Variants in KCNB2 observed in about 807,000 individuals in gnomAD.
KCNB2 encodes the protein potassium voltage-gated channel subfamily B member 2, also known as delayed rectifier potassium channel protein.
KCNB2 carries 15 observed loss-of-function variants against 61.5 expected under a neutral mutation model. The observed-to-expected ratio is 0.24, with a 90% CI of 0.16 to 0.38. The LOEUF is 0.38. KCNB2 is among the 10% of genes least tolerant of loss of function. The probability of loss-of-function intolerance (pLI) is 1.00; values close to 1 mark genes in which losing one functional copy is unlikely to be tolerated. For missense variants in KCNB2, 828 were observed against 1,125.2 expected (o/e 0.74, Z 3.78); for synonymous variants, 457 against 446.0 (o/e 1.02, Z -0.31).
At chr8:72,711,286 G>T (rs965987939) in intron 2 of KCNB2, among the ~76,000 whole-genome samples, 2 of 152,198 alleles carry the variant, frequency 1.3e-5, no homozygotes, top group Non-Finnish European at 2.9e-5. Flanking sequence ...GTGCAATACT[G>T]CCATGTGCCC....
At chr8:72,561,735 C>T (rs5002652) in intron 1 of KCNB2, among the ~76,000 whole-genome samples, 1 of 22,110 alleles carries the variant, frequency 4.5e-5, no homozygotes, top group African/African-American at 2.2e-4. Context: ...ATATCTATAT[C>T]TATATATATA....
chr8:72,722,883 C>T (rs531855979), intron 2 of KCNB2, among the ~76,000 whole-genome samples: 1 of 152,282 alleles, frequency 6.6e-6, no homozygotes, highest in East Asian at 1.9e-4. Flanking sequence ...TTTGTACATA[C>T]TCCAAGCCCT....
chr8:72,720,793 C>T (rs2247572), intron 2 of KCNB2, among the ~76,000 whole-genome samples: 31,717 of 152,084 alleles, frequency 0.21, 4,180 homozygotes, highest in African/African-American at 0.37. Flanking sequence ...CTGCATGCCA[C>T]GGTACTCAAT....
At chr8:72,841,372 C>CTTTTT (rs769263287) in intron 2 of KCNB2, among the ~76,000 whole-genome samples, 73 of 34,062 alleles carry the variant, frequency 2.1e-3, no homozygotes, top group East Asian at 7.4e-3. Context: ...TTTTTTTTTT[C>CTTTTT]TTTTTTTTTT....
intron 1 of KCNB2, among the ~76,000 whole-genome samples, chr8:72,545,308 A>G (rs999701503): frequency 6.6e-6 from 1 of 152,126 alleles, no homozygotes; most frequent in African/African-American, 2.4e-5. Flanking sequence ...TGCTTAACAG[A>G]TGCTGCGATT....
chr8:72,599,994 G>A (rs1372677391), intron 2 of KCNB2, among the ~76,000 whole-genome samples: 2 of 152,192 alleles, frequency 1.3e-5, no homozygotes, highest in Non-Finnish European at 2.9e-5. Context: ...CACTGTTGGT[G>A]GAACTGTAAA....
At chr8:72,666,278 A>C (rs1237703756) in intron 2 of KCNB2, among the ~76,000 whole-genome samples, 1 of 152,186 alleles carries the variant, frequency 6.6e-6, no homozygotes, top group East Asian at 1.9e-4. Context: ...ATCTGCCTAC[A>C]TGAGCAAGCT....
chr8:72,848,721 T>C (rs6997682), intron 2 of KCNB2, among the ~76,000 whole-genome samples: 129,636 of 152,008 alleles, frequency 0.85, 56,249 homozygotes, highest in Middle Eastern at 0.97. Context: ...CTAGTTTCAT[T>C]TCCTTTCTCC....
intron 1 of KCNB2, 23 bp from the exon 2 acceptor site, chr8:72,567,619 A>G: frequency 1.4e-6 from 1 of 690,556 alleles, no homozygotes; most frequent in Non-Finnish European, 2.5e-6. Flanking sequence ...GCAAGTAACC[A>G]AGTGATTGTT....
chr8:72,721,293 G>A (rs1181971847), intron 2 of KCNB2, among the ~76,000 whole-genome samples: 1 of 152,218 alleles, frequency 6.6e-6, no homozygotes, highest in Non-Finnish European at 1.5e-5. Flanking sequence ...TCCGGGGGTT[G>A]CTGTCTTTGC....
intron 2 of KCNB2, among the ~76,000 whole-genome samples, chr8:72,626,097 A>C (rs1805785736): frequency 6.6e-6 from 1 of 152,210 alleles, no homozygotes; most frequent in African/African-American, 2.4e-5. Context: ...CATTTTCAGA[A>C]GATCAAAGTC....
chr8:72,562,632 A>G (rs1806555695), intron 1 of KCNB2, among the ~76,000 whole-genome samples: 1 of 152,216 alleles, frequency 6.6e-6, no homozygotes, highest in African/African-American at 2.4e-5. Context: ...TGAGGTCTCA[A>G]ACAAAAGTGC....
At position 72,902,997 on chromosome 8, in the gene KCNB2, C is replaced by A. The variant is rs1433291505; in HGVS notation, c.580-32938C>A. ...TTTATCTTCAGAAATAAGGGTGGTT[C>A]TGGATAACCTCTATTTTATTTCTAA... is the stretch of plus-strand genomic sequence containing the variant. On this transcript the variant is annotated intron_variant, in intron 2 of 2. Transcript: ENST00000523207. Among the ~76,000 whole-genome samples, 6 of 152,154 alleles carry A rather than the reference C, an allele frequency of 3.9e-5. No homozygotes were observed. The East Asian group carries it at 1.2e-3, about 29-fold the overall frequency.
chr8:72,542,952 C>A (rs1806210605), intron 1 of KCNB2, among the ~76,000 whole-genome samples: 1 of 152,130 alleles, frequency 6.6e-6, no homozygotes. Context: ...TAAATCACAA[C>A]CAAATATTAT....
intron 2 of KCNB2, among the ~76,000 whole-genome samples, chr8:72,869,588 G>C (rs781510183): frequency 1.3e-5 from 2 of 152,078 alleles, no homozygotes; most frequent in Admixed American, 1.3e-4. Flanking sequence ...TGGCCAACAG[G>C]TATATTAAAG....
At chr8:72,933,438 C>T (rs895484528) in intron 2 of KCNB2, among the ~76,000 whole-genome samples, 3 of 152,188 alleles carry the variant, frequency 2.0e-5, no homozygotes, top group African/African-American at 7.2e-5. Flanking sequence ...GTGATAAACA[C>T]ATGTCAGTAA....
At position 72,695,942 on chromosome 8, in the gene KCNB2, A is replaced by G. The variant is rs143918787; in HGVS notation, c.579+127629A>G. Among the ~76,000 whole-genome samples, 318 of 152,308 alleles carry G rather than the reference A, an allele frequency of 2.1e-3. 3 individuals carry two copies. The highest frequency in any genetic ancestry group is 7.2e-3 in the African/African-American group (299 of 41,568). ...TTAGTTGCACAAGGTGACACATCAA[A>G]TTAGTAACAGAGATAGAATATAGAT... On this transcript the variant is annotated intron_variant, in intron 2 of 2. Coordinates refer to ENST00000523207, the MANE Select transcript of KCNB2 (RefSeq NM_004770.3).
intron 2 of KCNB2, among the ~76,000 whole-genome samples, chr8:72,588,221 T>TC (rs1158447412): frequency 1.3e-5 from 2 of 148,828 alleles, no homozygotes; most frequent in Non-Finnish European, 1.5e-5. Context: ...TTCTTTTCTT[T>TC]TTTTTTTTTT....
At chr8:72,734,790 A>G (rs1258999408) in intron 2 of KCNB2, among the ~76,000 whole-genome samples, 1 of 152,112 alleles carries the variant, frequency 6.6e-6, no homozygotes, top group Admixed American at 6.6e-5. Flanking sequence ...TCATAATAAC[A>G]AGGAAGATTT....
Sources: allele counts gnomAD v4.1 joint callset (sites outside exome capture counted in the v4.1 genomes callset), GRCh38; gene constraint gnomAD v4.1.1; transcripts MANE v1.5; gene names NCBI Gene and HGNC (gene_info 2026-07-23, HGNC 2026-07-21).